Variants in GOLM2 observed in about 807,000 individuals in gnomAD.
GOLM2 encodes the protein protein GOLM2.
Under a neutral mutation model 55.9 loss-of-function variants are expected in GOLM2, and 26 were observed. The observed-to-expected ratio is 0.47, with a 90% CI of 0.34 to 0.65. The LOEUF is 0.65. GOLM2 is among the 30% of genes least tolerant of loss of function. GOLM2 has a pLI of 0.01. For missense variants in GOLM2, 486 were observed against 531.8 expected, an observed-to-expected ratio of 0.91 and a Z score of 0.85; for synonymous variants, 165 against 194.6, an observed-to-expected ratio of 0.85 and a Z score of 1.27.
At chr15:44,396,349 C>A (rs947153895) in intron 8 of GOLM2, among the ~76,000 whole-genome samples, 1 of 151,878 alleles carries the variant, frequency 6.6e-6, no homozygotes, top group East Asian at 1.9e-4. Flanking sequence ...CAGAGTGAGA[C>A]TCCATCAAAA....
In GOLM2 at chr15:44,412,615, G is replaced by GA. The variant is rs993435580; in HGVS notation, c.1241-712dup. Among the ~76,000 whole-genome samples, 108 of 150,048 alleles carry GA rather than the reference G, an allele frequency of 7.2e-4. 2 individuals are homozygous for GA. The highest frequency in any genetic ancestry group is 5.3e-4 in the Admixed American group (8 of 15,044). On this transcript the variant is annotated intron_variant, in intron 9 of 9. Coordinates refer to ENST00000299957, the MANE Select transcript of GOLM2 (RefSeq NM_138423.4). ...TAATATTGGATACTTTTATAATTTA[G>GA]AAAAAAAAATTGATGTTTAAAAGCC...
intron 1 of GOLM2, among the ~76,000 whole-genome samples, chr15:44,299,190 T>A (rs953764917): frequency 2.6e-5 from 4 of 152,228 alleles, no homozygotes; most frequent in African/African-American, 9.6e-5. Flanking sequence ...AATACATTTC[T>A]GCTTTATGCT....
At chr15:44,383,667 CTTTTTTTCTTTTT>C (rs2079419900) in intron 8 of GOLM2, among the ~76,000 whole-genome samples, 1 of 141,582 alleles carries the variant, frequency 7.1e-6, no homozygotes, top group African/African-American at 2.6e-5. Flanking sequence ...TTTTCTTTTT[CTTTTTTTCTTTTT>C]TTTTTTTTTT....
At chr15:44,356,597 C>T (rs1390771421) in intron 6 of GOLM2, among the ~76,000 whole-genome samples, 2 of 152,118 alleles carry the variant, frequency 1.3e-5, no homozygotes, top group Non-Finnish European at 2.9e-5. Flanking sequence ...GCAGGAAGCA[C>T]CAGGTACAGA....
At chr15:44,352,587 A>G (rs1307456062) in intron 6 of GOLM2, among the ~76,000 whole-genome samples, 1 of 152,168 alleles carries the variant, frequency 6.6e-6, no homozygotes, top group African/African-American at 2.4e-5. Flanking sequence ...TCAAGTTAAA[A>G]AAGCTCTGCA....
At chr15:44,345,278 T>C (rs1306706858) in intron 6 of GOLM2, among the ~76,000 whole-genome samples, 1 of 128,354 alleles carries the variant, frequency 7.8e-6, no homozygotes, top group Admixed American at 7.1e-5. Context: ...TCCAGCTAAT[T>C]TTTTTTTTTT....
chr15:44,360,891 T>C (rs914744650), intron 6 of GOLM2, among the ~76,000 whole-genome samples: 1 of 152,184 alleles, frequency 6.6e-6, no homozygotes, highest in South Asian at 2.1e-4. Flanking sequence ...AACTCAGGAT[T>C]AAGAAACTCA....
chr15:44,377,857 A>G (rs969947361), intron 6 of GOLM2, among the ~76,000 whole-genome samples: 5 of 151,600 alleles, frequency 3.3e-5, no homozygotes, highest in Admixed American at 2.6e-4. Context: ...TAAGGTATAC[A>G]GTATAATGTA....
chr15:44,365,009 C>A (rs189001536), intron 6 of GOLM2, among the ~76,000 whole-genome samples: 3 of 152,186 alleles, frequency 2.0e-5, no homozygotes, highest in Admixed American at 1.3e-4. Context: ...TTACTTTGAC[C>A]GTATGATCCT....
chr15:44,382,736 T>C (rs1000344485), intron 8 of GOLM2, among the ~76,000 whole-genome samples: 1 of 151,974 alleles, frequency 6.6e-6, no homozygotes, highest in African/African-American at 2.4e-5. Flanking sequence ...TGGAAATAAT[T>C]GCTCGGAAAT....
In GOLM2 at chr15:44,402,893, T is replaced by C. The variant is rs777880516; in HGVS notation, c.1079T>C (p.Phe360Ser). The stretch of plus-strand genomic sequence containing the variant: ...TCCTCTACCTACTTCACAGGCCGAT[T>C]CTTTGATGAAAATGAATCCCCTGTT... Reference protein sequence around the residue: ...SDFHKLKQSRFFDENESPVDP... With the variant: ...SDFHKLKQSRSFDENESPVDP... The change falls in exon 9 of 10, where the codon TTC (phenylalanine) becomes TCC (serine). Residue 360 changes from phenylalanine (F) to serine (S), a missense_variant. Coordinates refer to ENST00000299957, the MANE Select transcript of GOLM2 (RefSeq NM_138423.4). The C allele has an allele frequency of 6.2e-7, 1 of 1,613,948 alleles. No individual in the cohort carries two copies. Among genetic ancestry groups the C allele is most frequent in the Non-Finnish European group, 8.5e-7 (1 of 1,179,968 alleles).
intron 1 of GOLM2, among the ~76,000 whole-genome samples, chr15:44,308,737 G>A (rs990223270): frequency 6.6e-6 from 1 of 152,110 alleles, no homozygotes; most frequent in Non-Finnish European, 1.5e-5. Flanking sequence ...AGCCGGGACT[G>A]CAGGTGTGTG....
intron 8 of GOLM2, among the ~76,000 whole-genome samples, chr15:44,382,598 A>G (rs1303025693): frequency 6.6e-6 from 1 of 152,140 alleles, no homozygotes; most frequent in African/African-American, 2.4e-5. Flanking sequence ...AAGTGCTGGG[A>G]TTACAGTCAT....
intron 1 of GOLM2, among the ~76,000 whole-genome samples, chr15:44,320,902 C>G (rs553669907): frequency 3.3e-5 from 5 of 152,266 alleles, no homozygotes; most frequent in Admixed American, 1.3e-4. Flanking sequence ...CTCATGCTTT[C>G]TTGCCACTGT....
chr15:44,343,978 C>G (rs2079105609), intron 6 of GOLM2, among the ~76,000 whole-genome samples: 1 of 151,694 alleles, frequency 6.6e-6, no homozygotes, highest in South Asian at 2.1e-4. Context: ...AGGCCGGGCA[C>G]AGTGGCTCAC....
intron 6 of GOLM2, among the ~76,000 whole-genome samples, chr15:44,362,322 A>G (rs2079246845): frequency 6.6e-6 from 1 of 152,128 alleles, no homozygotes; most frequent in Admixed American, 6.6e-5. Context: ...AATCTCCTTA[A>G]GCTGATAAGC....
chr15:44,336,379 A>T (rs1489555235), intron 4 of GOLM2, among the ~76,000 whole-genome samples: 1 of 151,646 alleles, frequency 6.6e-6, no homozygotes, highest in Admixed American at 6.6e-5. Flanking sequence ...GGCCTCCCGA[A>T]GTGCTGGGAT....
intron 6 of GOLM2, among the ~76,000 whole-genome samples, chr15:44,345,601 C>T (rs1403996135): frequency 1.3e-5 from 2 of 152,024 alleles, no homozygotes; most frequent in African/African-American, 4.8e-5. Context: ...GTATGCAATG[C>T]AAATATCTTC....
intron 8 of GOLM2, among the ~76,000 whole-genome samples, chr15:44,391,330 C>T (rs565635935): frequency 3.3e-5 from 5 of 151,774 alleles, no homozygotes; most frequent in African/African-American, 4.8e-5. Flanking sequence ...CTGGCTAACA[C>T]GGTGAAGCCC....
Sources: gnomAD v4.1 joint callset for allele counts (sites outside exome capture counted in the v4.1 genomes callset) on GRCh38, gnomAD v4.1.1 for gene constraint, MANE v1.5 for transcripts, NCBI Gene and HGNC (gene_info 2026-07-23, HGNC 2026-07-21) for gene names.